Variants in CAMKMT observed in about 807,000 individuals in gnomAD.
CAMKMT encodes the protein calmodulin-lysine N-methyltransferase.
A neutral mutation model predicts 48.0 loss-of-function variants in CAMKMT; 53 were observed. That is an observed-to-expected ratio of 1.10 (90% CI 0.89 to 1.39). The LOEUF (loss-of-function observed/expected upper bound fraction) is 1.39. Ranked by LOEUF, CAMKMT falls within the 40% of genes most tolerant of loss-of-function variation. CAMKMT has a pLI of 0.00. For missense variants in CAMKMT, 428 were observed against 402.7 expected, an observed-to-expected ratio of 1.06 and a Z score of -0.54; for synonymous variants, 165 against 152.3, an observed-to-expected ratio of 1.08 and a Z score of -0.61.
intron 3 of CAMKMT, among the ~76,000 whole-genome samples, chr2:44,479,351 C>A (rs1668852761): frequency 6.6e-6 from 1 of 152,156 alleles, no homozygotes; most frequent in Admixed American, 6.5e-5. Context: ...AACTGGGGAA[C>A]AACTTTGTGA....
chr2:44,457,099 C>T (rs76990386), intron 3 of CAMKMT: 2,634 of 152,210 alleles, frequency 0.017, 80 homozygotes, highest in African/African-American at 0.061. Context: ...TCAAAATGGC[C>T]TCAAGAGTAT....
chr2:44,375,177 T>G (rs962724045), intron 2 of CAMKMT, among the ~76,000 whole-genome samples: 1 of 151,900 alleles, frequency 6.6e-6, no homozygotes, highest in Non-Finnish European at 1.5e-5. Flanking sequence ...TTCTGTTTTT[T>G]TTTTGTTTTG....
intron 2 of CAMKMT, among the ~76,000 whole-genome samples, chr2:44,378,569 C>T (rs1235436937): frequency 6.6e-6 from 1 of 152,198 alleles, no homozygotes; most frequent in Non-Finnish European, 1.5e-5. Flanking sequence ...TCTTGGCTCA[C>T]TGCAACCTCC....
chr2:44,575,080 A>T (rs1669141604), intron 3 of CAMKMT, among the ~76,000 whole-genome samples: 1 of 147,198 alleles, frequency 6.8e-6, no homozygotes, highest in African/African-American at 2.5e-5. Context: ...TTTATTTTTT[A>T]TTTTATTTTA....
intron 3 of CAMKMT, among the ~76,000 whole-genome samples, chr2:44,506,880 T>G (rs560272967): frequency 6.6e-6 from 1 of 152,270 alleles, no homozygotes; most frequent in African/African-American, 2.4e-5. Context: ...TCTTGCAAAT[T>G]TATGCTGATC....
chr2:44,673,998 A>T (rs768115021), intron 3 of CAMKMT, among the ~76,000 whole-genome samples: 2 of 152,156 alleles, frequency 1.3e-5, no homozygotes, highest in Non-Finnish European at 2.9e-5. Flanking sequence ...AGTTTGAATC[A>T]TGTTTGCTAT....
chr2:44,483,112 C>G (rs555133402), intron 3 of CAMKMT, among the ~76,000 whole-genome samples: 4 of 152,166 alleles, frequency 2.6e-5, no homozygotes, highest in African/African-American at 9.6e-5. Flanking sequence ...AAGGCTCCTA[C>G]AACTGACATT....
chr2:44,552,146 C>T (rs955281890), intron 3 of CAMKMT, among the ~76,000 whole-genome samples: 8 of 152,040 alleles, frequency 5.3e-5, no homozygotes, highest in Admixed American at 1.3e-4. Flanking sequence ...TCCTCCCCTC[C>T]GAGTCTCCAG....
chr2:44,494,683 A>G (rs902733094), intron 3 of CAMKMT, among the ~76,000 whole-genome samples: 1 of 152,254 alleles, frequency 6.6e-6, no homozygotes, highest in Non-Finnish European at 1.5e-5. Flanking sequence ...TCTTTTAAAG[A>G]ACACAGGTTA....
At chr2:44,456,193 G>A (rs1667554084) in intron 3 of CAMKMT, among the ~76,000 whole-genome samples, 1 of 152,068 alleles carries the variant, frequency 6.6e-6, no homozygotes, top group South Asian at 2.1e-4. Flanking sequence ...TAAGTGAAAG[G>A]ATTTATTTAT....
intron 3 of CAMKMT, among the ~76,000 whole-genome samples, chr2:44,410,511 A>G (rs1572800525): frequency 1.3e-5 from 2 of 151,750 alleles, no homozygotes; most frequent in South Asian, 2.1e-4. Context: ...ATTTATCAGC[A>G]TACTTTCATG....
At chr2:44,421,469 A>T (rs562920675) in intron 3 of CAMKMT, among the ~76,000 whole-genome samples, 1 of 152,162 alleles carries the variant, frequency 6.6e-6, no homozygotes, top group Non-Finnish European at 1.5e-5. Flanking sequence ...CATATCTTCA[A>T]ATTTTCTCAG....
rs1674426468 is a variant in CAMKMT, at chr2:44,657,197, G to A, written c.377-47086G>A. On this transcript the variant is annotated intron_variant, in intron 3 of 10. Coordinates refer to ENST00000378494, the MANE Select transcript of CAMKMT (RefSeq NM_024766.5). The surrounding 1 kb of genome is among the most constrained non-coding windows in gnomAD (Gnocchi z 4.3). ...TGAAGGCCATCCCGTGGAGAGGTCA[G>A]GACCTCTCAGAGTTGAATTTTAGAA... Among the ~76,000 whole-genome samples the A allele has an allele frequency of 6.6e-6, 1 of 152,166 alleles. No homozygotes were observed. The highest frequency in any genetic ancestry group is 2.4e-5 in the African/African-American group (1 of 41,442).
intron 6 of CAMKMT, among the ~76,000 whole-genome samples, chr2:44,715,032 A>C (rs1329624621): frequency 6.6e-6 from 1 of 151,922 alleles, no homozygotes; most frequent in African/African-American, 2.4e-5. Flanking sequence ...ATCTCTACTA[A>C]AGATACAAAA....
At chr2:44,722,565 C>G (rs557884207) in intron 7 of CAMKMT, among the ~76,000 whole-genome samples, 1 of 152,052 alleles carries the variant, frequency 6.6e-6, no homozygotes, top group African/African-American at 2.4e-5. Flanking sequence ...ACAATTTTTA[C>G]CCCATTATTT....
chr2:44,526,347 A>G (rs1671402847), intron 3 of CAMKMT, among the ~76,000 whole-genome samples: 1 of 152,236 alleles, frequency 6.6e-6, no homozygotes, highest in Non-Finnish European at 1.5e-5. Flanking sequence ...AGGGTTCTAC[A>G]GAGAAATAGA....
chr2:44,564,272 T>C (rs1668491291), intron 3 of CAMKMT, among the ~76,000 whole-genome samples: 1 of 150,480 alleles, frequency 6.6e-6, no homozygotes, highest in Non-Finnish European at 1.5e-5. Flanking sequence ...GCCTTCCGGG[T>C]TCAAGCGATT....
intron 5 of CAMKMT, 145 bp downstream of exon 5, chr2:44,706,486 C>G (rs1677569127): frequency 1.4e-6 from 1 of 708,026 alleles, no homozygotes; most frequent in African/African-American, 1.8e-5. Flanking sequence ...TCTAGATTGA[C>G]TTACTTTCGG....
chr2:44,429,057 C>G (rs989762595), intron 3 of CAMKMT, among the ~76,000 whole-genome samples: 18 of 152,128 alleles, frequency 1.2e-4, no homozygotes, highest in African/African-American at 3.9e-4. Context: ...TCATGTTGAA[C>G]TTAAGGCTAA....
Sources: allele counts gnomAD v4.1 joint callset (sites outside exome capture counted in the v4.1 genomes callset), GRCh38; gene constraint gnomAD v4.1.1; non-coding constraint Gnocchi (gnomAD v3.1); transcripts MANE v1.5; gene names NCBI Gene and HGNC (gene_info 2026-07-23, HGNC 2026-07-21).